Variants in IGF2BP2 observed in about 807,000 individuals in gnomAD.
IGF2BP2 encodes insulin like growth factor 2 mRNA binding protein 2, also known as insulin-like growth factor 2 mRNA-binding protein 2.
In IGF2BP2, 17 loss-of-function variants were observed where a neutral mutation model predicts 75.8. That is an observed-to-expected ratio of 0.22 (90% CI 0.15 to 0.34). The LOEUF is 0.34. Ranked by LOEUF, IGF2BP2 falls within the 10% of genes least tolerant of loss-of-function variation. The probability of loss-of-function intolerance (pLI) is 1.00; values close to 1 mark genes in which losing one functional copy is unlikely to be tolerated. For synonymous variants in IGF2BP2, 288 were observed against 295.6 expected, an observed-to-expected ratio of 0.97 and a Z score of 0.26; for missense variants, 516 against 772.4, an observed-to-expected ratio of 0.67 and a Z score of 3.93.
At chr3:185,676,280 C>T (rs1719335465) in intron 7 of IGF2BP2, among the ~76,000 whole-genome samples, 2 of 152,126 alleles carry the variant, frequency 1.3e-5, no homozygotes, top group African/African-American at 4.8e-5. Flanking sequence ...GGTCTCTTTC[C>T]CCCTCACACA....
At position 185,643,542 on chromosome 3, in the gene IGF2BP2, C is replaced by G. The variant is rs1416660815; in HGVS notation, c.*1989G>C. 6.6e-6 allele frequency among the ~76,000 whole-genome samples: 1 copy of G among 152,098 alleles called. No homozygotes were observed. On this transcript the variant is annotated 3_prime_UTR_variant, in exon 16 of 16. Coordinates refer to ENST00000382199, the MANE Select transcript of IGF2BP2 (RefSeq NM_006548.6). ...CCAGATGATAGCTGATGCTGCTGGTCTGGGGACTACACTTTGACCACCGAT... is the reference window on the plus strand; with the variant it reads ...CCAGATGATAGCTGATGCTGCTGGTGTGGGGACTACACTTTGACCACCGAT...
At chr3:185,746,311 C>A (rs1186414022) in intron 2 of IGF2BP2, among the ~76,000 whole-genome samples, 1 of 152,176 alleles carries the variant, frequency 6.6e-6, no homozygotes, top group Non-Finnish European at 1.5e-5. Flanking sequence ...AAAGCCAAGA[C>A]ACCACCTAAC....
chr3:185,714,634 G>T (rs543197700), intron 2 of IGF2BP2, among the ~76,000 whole-genome samples: 2 of 152,106 alleles, frequency 1.3e-5, no homozygotes, highest in Admixed American at 1.3e-4. Flanking sequence ...TACAAATGAG[G>T]GTGATCATTT....
chr3:185,665,464 A>AGGAGGAGG (rs1560251573), intron 10 of IGF2BP2, among the ~76,000 whole-genome samples: 6,060 of 81,382 alleles, frequency 0.074, 1,101 homozygotes, highest in Non-Finnish European at 0.096. Flanking sequence ...GGAGAAGAAG[A>AGGAGGAGG]AGAAGAAGAA....
At chr3:185,824,412 G>A (rs1244386418) in intron 1 of IGF2BP2, among the ~76,000 whole-genome samples, 1 of 142,480 alleles carries the variant, frequency 7.0e-6, no homozygotes, top group Non-Finnish European at 1.5e-5. Flanking sequence ...TGACAGGAAG[G>A]TCAGGGGAGA....
At chr3:185,684,259 T>C (rs1720795893) in intron 7 of IGF2BP2, among the ~76,000 whole-genome samples, 2 of 152,158 alleles carry the variant, frequency 1.3e-5, no homozygotes, top group Admixed American at 6.6e-5. Flanking sequence ...CTACCTCTTA[T>C]TCAGTCCCTT....
chr3:185,776,936 G>T (rs985986238), intron 2 of IGF2BP2, among the ~76,000 whole-genome samples: 1 of 152,068 alleles, frequency 6.6e-6, no homozygotes, highest in Admixed American at 6.6e-5. Flanking sequence ...AATACATCAG[G>T]GTAAGAAAAT....
chr3:185,694,639 C>A (rs1270365467), intron 4 of IGF2BP2, among the ~76,000 whole-genome samples: 5 of 152,222 alleles, frequency 3.3e-5, no homozygotes, highest in African/African-American at 7.2e-5. Context: ...GTCTCCAGCA[C>A]ACAGCTGCCC....
chr3:185,755,276 C>T (rs977657654), intron 2 of IGF2BP2, among the ~76,000 whole-genome samples: 3 of 152,206 alleles, frequency 2.0e-5, no homozygotes, highest in African/African-American at 7.2e-5. Context: ...AGGTACAGCT[C>T]GGGCTGCTTT....
chr3:185,650,443 G>A (rs1394150267), intron 13 of IGF2BP2, among the ~76,000 whole-genome samples: 6 of 152,066 alleles, frequency 3.9e-5, no homozygotes, highest in East Asian at 3.9e-4. Context: ...TTGGAAGGTC[G>A]AGGTGGACAG....
At chr3:185,730,714 T>C (rs1183398973) in intron 2 of IGF2BP2, among the ~76,000 whole-genome samples, 2 of 152,122 alleles carry the variant, frequency 1.3e-5, no homozygotes, top group African/African-American at 4.8e-5. Context: ...CCCAGGTGTC[T>C]TTTTTATACA....
chr3:185,673,276 G>C (rs529587882), intron 9 of IGF2BP2, among the ~76,000 whole-genome samples: 3 of 152,256 alleles, frequency 2.0e-5, no homozygotes, highest in Non-Finnish European at 4.4e-5. Context: ...GTCTTACTTA[G>C]TGTCGTGTTC....
intron 2 of IGF2BP2, chr3:185,718,121 T>C (rs1322319587): frequency 6.6e-6 from 1 of 152,242 alleles, no homozygotes; most frequent in Non-Finnish European, 1.5e-5. Flanking sequence ...CTGCGCTACA[T>C]CCAGCCTAAA....
chr3:185,791,617 C>A (rs998982784), intron 2 of IGF2BP2, among the ~76,000 whole-genome samples: 1 of 152,226 alleles, frequency 6.6e-6, no homozygotes, highest in African/African-American at 2.4e-5. Context: ...TCACAGTGAG[C>A]TGACATCACC....
At chr3:185,722,922 A>G (rs563393075) in intron 2 of IGF2BP2, among the ~76,000 whole-genome samples, 1 of 152,236 alleles carries the variant, frequency 6.6e-6, no homozygotes, top group Admixed American at 6.5e-5. Flanking sequence ...AGTGTTTTCA[A>G]AATCAGCCTT....
chr3:185,665,185 AAAG>A (rs1465288170), intron 10 of IGF2BP2, among the ~76,000 whole-genome samples: 97 of 149,810 alleles, frequency 6.5e-4, no homozygotes, highest in Non-Finnish European at 1.1e-3. Context: ...AAAAAAAAAA[AAAG>A]AGGAGAAGAA....
chr3:185,715,221 G>A (rs1725410478), intron 2 of IGF2BP2, among the ~76,000 whole-genome samples: 1 of 152,214 alleles, frequency 6.6e-6, no homozygotes, highest in Non-Finnish European at 1.5e-5. Flanking sequence ...CAAAGGCATG[G>A]CAGCCAGAAC....
At chr3:185,654,819 C>T (rs1267535582) in intron 12 of IGF2BP2, among the ~76,000 whole-genome samples, 2 of 152,172 alleles carry the variant, frequency 1.3e-5, no homozygotes, top group African/African-American at 2.4e-5. Context: ...ATCTGGAAGC[C>T]TGTTCTACAG....
At chr3:185,763,579 T>C (rs943865808) in intron 2 of IGF2BP2, among the ~76,000 whole-genome samples, 4 of 152,200 alleles carry the variant, frequency 2.6e-5, no homozygotes, top group African/African-American at 9.6e-5. Flanking sequence ...TCAAGGCCTG[T>C]GGAGGCTACA....
Sources: allele counts gnomAD v4.1 joint callset (sites outside exome capture counted in the v4.1 genomes callset), GRCh38; gene constraint gnomAD v4.1.1; transcripts MANE v1.5; gene names NCBI Gene and HGNC (gene_info 2026-07-23, HGNC 2026-07-21).